Variants in HIP1 observed in about 807,000 individuals in gnomAD.
The protein encoded by HIP1 is huntingtin-interacting protein 1.
Under a neutral mutation model 147.6 loss-of-function variants are expected in HIP1, and 65 were observed. That is an observed-to-expected ratio of 0.44 (90% CI 0.36 to 0.54). The LOEUF (loss-of-function observed/expected upper bound fraction) is 0.54, where lower values mean the gene tolerates loss of function less well. Among genes scored for constraint, HIP1 ranks in the 20% least tolerant of loss-of-function variants. The probability of loss-of-function intolerance (pLI) is 0.00; values close to 1 mark genes in which losing one functional copy is unlikely to be tolerated. For missense variants in HIP1, 1,061 were observed against 1,299.6 expected, an observed-to-expected ratio of 0.82 and a Z score of 2.82; for synonymous variants, 479 against 504.0, an observed-to-expected ratio of 0.95 and a Z score of 0.67.
intron 1 of HIP1, among the ~76,000 whole-genome samples, chr7:75,726,171 C>T (rs576003239): frequency 1.3e-5 from 2 of 152,308 alleles, no homozygotes; most frequent in Admixed American, 1.3e-4. Context: ...GGATATATAA[C>T]TAGCAGTGGT....
chr7:75,537,661 G>T lies in HIP1; in HGVS notation c.*511C>A, dbSNP rs1356026481. The stretch of plus-strand genomic sequence containing the variant: ...GTCCTTCTGACTGTGCAGATCTCAG[G>T]GTAGTGTCCTGGTTTGGAATCCATC... On this transcript the variant is annotated 3_prime_UTR_variant, in exon 31 of 31. Coordinates refer to ENST00000336926, the MANE Select transcript of HIP1 (RefSeq NM_005338.7). The T allele has an allele frequency of 1.3e-5, 3 of 233,870 alleles. No individual in the cohort carries two copies. The highest frequency in any genetic ancestry group is 1.8e-4 in the South Asian group (1 of 5,684). The allele number at this position is 233,870 out of a possible 1,614,324, so 14.5% of individuals were successfully genotyped here. A position where few individuals can be genotyped will look rare whatever the true frequency, so the allele number is the denominator to read the frequency against.
In HIP1 at chr7:75,701,903, C is replaced by T. The variant is rs117296220; in HGVS notation, c.120+36898G>A. The stretch of plus-strand genomic sequence containing the variant: ...AAATCCTAAACTCTGCCAGGTATGG[C>T]TGTCCTCACTTTATTATTTATTTAT... On this transcript the variant is annotated intron_variant, in intron 1 of 30. Coordinates refer to ENST00000336926, the MANE Select transcript of HIP1 (RefSeq NM_005338.7). Among the ~76,000 whole-genome samples, 31 of 151,976 alleles carry T rather than the reference C, an allele frequency of 2.0e-4. No homozygotes were observed. In the East Asian group the frequency reaches 4.8e-3, roughly 24 times the overall value.
At chr7:75,726,250 C>A (rs940074994) in intron 1 of HIP1, among the ~76,000 whole-genome samples, 53 of 151,430 alleles carry the variant, frequency 3.5e-4, no homozygotes, top group Admixed American at 3.0e-3. Flanking sequence ...AATGTGGTTG[C>A]CCCAGTTTAC....
intron 1 of HIP1, among the ~76,000 whole-genome samples, 197 bp from the exon 2 acceptor site, chr7:75,599,444 G>A (rs1396930715): frequency 5.3e-5 from 8 of 152,160 alleles, no homozygotes; most frequent in Admixed American, 4.6e-4. Context: ...TGGCTGGGCC[G>A]TCCTGAGGGA....
Position 75,559,866 on chromosome 7 carries a change from G to C in HIP1, c.1241C>G (p.Ala414Gly), listed in dbSNP as rs1795160153. 2.5e-6 allele frequency: 4 copies of C among 1,611,906 alleles called. No homozygotes were observed. Among genetic ancestry groups the C allele is most frequent in the Non-Finnish European group, 2.5e-6 (3 of 1,179,732 alleles). The part of the protein sequence containing the change: ...QLKGHVSELE[A>G]DLAEQQHLRQ... ...CAGGTGCTGCTGCTCGGCCAGATCT[G>C]CTTCCAGCTCGCTGACGTGGCCCTT... Residue 414 changes from alanine to glycine, a missense_variant, in exon 14 of 31, where the codon GCA becomes GGA. Physicochemically the swap from Ala to Gly is moderately conservative, Grantham distance 60 (BLOSUM62 0). This residue lies in a region of HIP1 where 810 missense variants were observed against 946.8 expected (regional missense o/e 0.86). Transcript: ENST00000336926.
At chr7:75,687,034 C>T (rs530478789) in intron 1 of HIP1, among the ~76,000 whole-genome samples, 1 of 152,018 alleles carries the variant, frequency 6.6e-6, no homozygotes, top group African/African-American at 2.4e-5. Flanking sequence ...CTTTATCGAG[C>T]ATTTCTGGTA....
chr7:75,568,022 C>T lies in HIP1; in HGVS notation c.803+177G>A, dbSNP rs117568931. 0.021 allele frequency among the ~76,000 whole-genome samples: 3,216 copies of T among 152,152 alleles called. 46 individuals carry two copies. Among genetic ancestry groups the T allele is most frequent in the Middle Eastern group, 0.034 (10 of 294 alleles). Reference sequence around the variant, plus strand: ...GTAGAGATGGGGTCTCGCTATGTTGCCCAGCCTGGTGTCAAACTCTTGGCC... The same window carrying T: ...GTAGAGATGGGGTCTCGCTATGTTGTCCAGCCTGGTGTCAAACTCTTGGCC... On this transcript the variant is annotated intron_variant, in intron 9 of 30. Transcript: ENST00000336926. This position sits in a 1 kb window ranked among gnomAD's most constrained non-coding sequence, Gnocchi z 4.1.
intron 7 of HIP1, among the ~76,000 whole-genome samples, chr7:75,576,436 G>A (rs908328453): frequency 6.6e-6 from 1 of 152,148 alleles, no homozygotes; most frequent in Non-Finnish European, 1.5e-5. Context: ...GCTGTCCCCC[G>A]TTAGGCCAGG....
chr7:75,557,526 G>A, intron 16 of HIP1, 128 bp downstream of exon 16: 4 of 734,118 alleles, frequency 5.4e-6, no homozygotes, highest in South Asian at 1.5e-5. Context: ...TGGCCACCAT[G>A]GTGTGCTCCC....
chr7:75,536,218 C>A lies in HIP1; in HGVS notation c.*1954G>T, dbSNP rs782766425. 7 of 211,964 alleles carry A rather than the reference C, an allele frequency of 3.3e-5. No individual in the cohort carries two copies. The highest frequency in any genetic ancestry group is 6.7e-5 in the Non-Finnish European group (7 of 104,838). The allele number at this position is 211,964 out of a possible 1,614,324, so 13.1% of individuals were successfully genotyped here. On this transcript the variant is annotated 3_prime_UTR_variant, in exon 31 of 31. Coordinates refer to ENST00000336926, the MANE Select transcript of HIP1 (RefSeq NM_005338.7). Reference sequence around the variant, plus strand: ...AAAGCAGCATTCAACATTAAGACTGCCCAATTTCTAGTGCTGATACTTCCT... The same window carrying A: ...AAAGCAGCATTCAACATTAAGACTGACCAATTTCTAGTGCTGATACTTCCT...
Position 75,561,389 on chromosome 7 carries a change from A to G in HIP1, c.1131T>C (p.Ile377=), listed in dbSNP as rs953734481. Residue 377 remains isoleucine (I), a synonymous_variant, in exon 13 of 31, where the codon ATT becomes ATC. Coordinates refer to ENST00000336926, the MANE Select transcript of HIP1 (RefSeq NM_005338.7). ...CACTGATCTCTCTGTATAGTCGCTC[A>G]ATTAAGTGGTCCCTGGGAAGAGAAG... ...GVNKDEKDHL[I]ERLYREISGL... 6.2e-7 allele frequency: 1 copy of G among 1,611,990 alleles called. No individual in the cohort carries two copies. Among genetic ancestry groups the G allele is most frequent in the African/African-American group, 1.3e-5 (1 of 75,006 alleles).
At chr7:75,594,585 C>T (rs782279258) in intron 2 of HIP1, among the ~76,000 whole-genome samples, 21 of 152,130 alleles carry the variant, frequency 1.4e-4, no homozygotes, top group Non-Finnish European at 2.8e-4. Context: ...ACCAGCCTGG[C>T]CAACATGGTG....
chr7:75,666,888 G>A lies in HIP1; in HGVS notation c.121-67641C>T, dbSNP rs1211942134. 2.6e-5 allele frequency among the ~76,000 whole-genome samples: 4 copies of A among 152,128 alleles called. No homozygotes were observed. In the East Asian group the frequency reaches 5.8e-4, roughly 22 times the overall value. Reference sequence around the variant, plus strand: ...GCCTAATTAACCTTCACCGTTATGCGACGCTCCATTTCACAAAATCATACT... The same window carrying A: ...GCCTAATTAACCTTCACCGTTATGCAACGCTCCATTTCACAAAATCATACT... On this transcript the variant is annotated intron_variant, in intron 1 of 30. Transcript: ENST00000336926.
At chr7:75,619,514 T>G (rs1468406843) in intron 1 of HIP1, among the ~76,000 whole-genome samples, 1 of 61,138 alleles carries the variant, frequency 1.6e-5, no homozygotes. Flanking sequence ...AGACTTTGTC[T>G]CAAAAAAAAA....
chr7:75,567,073 C>T (rs1554495646), intron 9 of HIP1, among the ~76,000 whole-genome samples: 1 of 150,952 alleles, frequency 6.6e-6, no homozygotes, highest in African/African-American at 2.5e-5. Flanking sequence ...GATCACACCA[C>T]CGCACTCAAG....
At chr7:75,569,122 A>G (rs1475470335) in intron 8 of HIP1, among the ~76,000 whole-genome samples, 1 of 152,228 alleles carries the variant, frequency 6.6e-6, no homozygotes, top group African/African-American at 2.4e-5. Flanking sequence ...CCTCCCCTAC[A>G]GAGCCAGTTC....
At chr7:75,573,000 A>C (rs1444611756) in intron 8 of HIP1, among the ~76,000 whole-genome samples, 3 of 152,164 alleles carry the variant, frequency 2.0e-5, no homozygotes, top group African/African-American at 7.2e-5. Context: ...CCCTGTTGCC[A>C]TGCATGGCAG....
intron 5 of HIP1, among the ~76,000 whole-genome samples, chr7:75,584,825 T>C (rs1796192730): frequency 6.6e-6 from 1 of 150,934 alleles, no homozygotes; most frequent in Non-Finnish European, 1.5e-5. Flanking sequence ...CCTAGGCCCT[T>C]CCTCCTCCCA....
intron 1 of HIP1, among the ~76,000 whole-genome samples, chr7:75,680,800 G>A (rs1310991189): frequency 6.6e-6 from 1 of 151,798 alleles, no homozygotes; most frequent in Admixed American, 6.6e-5. Context: ...TTTTGAGATG[G>A]AGTCTTGCTC....
Sources: allele counts gnomAD v4.1 joint callset (sites outside exome capture counted in the v4.1 genomes callset), GRCh38; gene constraint gnomAD v4.1.1; regional missense constraint gnomAD v4.1.1; non-coding constraint Gnocchi (gnomAD v3.1); transcripts MANE v1.5; gene names NCBI Gene and HGNC (gene_info 2026-07-23, HGNC 2026-07-21).